Variants in SPOPL observed in about 807,000 individuals in gnomAD.
SPOPL encodes the protein speckle type BTB/POZ protein like, also known as speckle-type POZ protein-like.
SPOPL carries 23 observed loss-of-function variants against 53.8 expected under a neutral mutation model. The observed-to-expected ratio is 0.43, with a 90% confidence interval of 0.31 to 0.61. The LOEUF is 0.61. Ranked by LOEUF, SPOPL falls within the 20% of genes least tolerant of loss-of-function variation. The pLI is 0.12. For synonymous variants in SPOPL, 164 were observed against 149.7 expected, an observed-to-expected ratio of 1.10 and a Z score of -0.70; for missense variants, 442 against 466.9, an observed-to-expected ratio of 0.95 and a Z score of 0.49.
intron 1 of SPOPL, among the ~76,000 whole-genome samples, chr2:138,532,593 A>ATTTTTTTTTTTTTT (rs71301784): frequency 7.4e-4 from 83 of 111,830 alleles, no homozygotes; most frequent in African/African-American, 8.9e-4. Context: ...CGCCCGGCTA[A>ATTTTTTTTTTTTTT]TTTTTTTTTT....
At chr2:138,530,922 A>AGTGTGTGTGTGTGTGTGTGT (rs10673306) in intron 1 of SPOPL, among the ~76,000 whole-genome samples, 2 of 147,958 alleles carry the variant, frequency 1.4e-5, no homozygotes, top group African/African-American at 5.0e-5. Context: ...CTGTAGAGTG[A>AGTGTGTGTGTGTGTGTGTGT]GTGTGTGTGT....
chr2:138,539,322 C>G (rs1415096499), intron 1 of SPOPL, among the ~76,000 whole-genome samples: 1 of 152,178 alleles, frequency 6.6e-6, no homozygotes, highest in Non-Finnish European at 1.5e-5. Flanking sequence ...AAGGAATCGC[C>G]ACACTGACTT....
In SPOPL at chr2:138,550,262, G is replaced by A. The variant is rs1685285120; in HGVS notation, c.46G>A (p.Gly16Ser). Residue 16 changes from glycine to serine, a missense_variant, in exon 2 of 11, where the codon GGT becomes AGT. Coordinates refer to ENST00000280098, the MANE Select transcript of SPOPL (RefSeq NM_001001664.3). Reference sequence around the variant, plus strand: ...ACCTCTACCTGGAGATATGTCTACTGGTCCCATAGCAGAAAGCTGGTGTTA... The same window carrying A: ...ACCTCTACCTGGAGATATGTCTACTAGTCCCATAGCAGAAAGCTGGTGTTA... ...TPPLPGDMST[G>S]PIAESWCYTQ... 1 of 1,613,448 alleles carries A rather than the reference G, an allele frequency of 6.2e-7. No individual in the cohort carries two copies. The highest frequency in any genetic ancestry group is 1.7e-5 in the Admixed American group (1 of 59,918).
At chr2:138,556,196 G>A (rs540897286) in intron 5 of SPOPL, among the ~76,000 whole-genome samples, 5 of 152,232 alleles carry the variant, frequency 3.3e-5, no homozygotes, top group Admixed American at 1.3e-4. Context: ...ATAATACTGT[G>A]TAGATAGGTA....
At chr2:138,561,039 G>C in intron 8 of SPOPL, 112 bp downstream of exon 8, 1 of 1,321,656 alleles carries the variant, frequency 7.6e-7, no homozygotes, top group Non-Finnish European at 1.0e-6. Flanking sequence ...TGGCTCTTGA[G>C]AGCTTTATGA....
chr2:138,532,167 G>T (rs1684823293), intron 1 of SPOPL, among the ~76,000 whole-genome samples: 1 of 152,138 alleles, frequency 6.6e-6, no homozygotes, highest in South Asian at 2.1e-4. Flanking sequence ...GCTTCCTGCT[G>T]CATGCAAAGT....
At position 138,571,326 on chromosome 2, in the gene SPOPL, A is replaced by G. The variant is rs1475336152; in HGVS notation, c.*2246A>G. On this transcript the variant is annotated 3_prime_UTR_variant, in exon 11 of 11. Coordinates refer to ENST00000280098, the MANE Select transcript of SPOPL (RefSeq NM_001001664.3). ...GTGACTTCAGTAAAAATACCGTATA[A>G]TGAACATTTCAGCTTCTTCTTACTT... 1.3e-5 allele frequency: 2 copies of G among 152,486 alleles called. No homozygotes were observed. Among genetic ancestry groups the G allele is most frequent in the African/African-American group, 4.8e-5 (2 of 41,430 alleles). 9.4% of individuals were successfully genotyped at this position (152,486 alleles called of 1,614,324 possible).
At chr2:138,516,506 G>A (rs936828755) in intron 1 of SPOPL, among the ~76,000 whole-genome samples, 1 of 152,178 alleles carries the variant, frequency 6.6e-6, no homozygotes, top group Admixed American at 6.5e-5. Flanking sequence ...TGTTATGTGG[G>A]TGAGATCATT....
chr2:138,547,260 C>G (rs1263027539), intron 1 of SPOPL, among the ~76,000 whole-genome samples: 1 of 152,164 alleles, frequency 6.6e-6, no homozygotes, highest in Non-Finnish European at 1.5e-5. Flanking sequence ...GCCACCGTGC[C>G]TGACTGTAGT....
At chr2:138,559,430 C>A in intron 7 of SPOPL, 93 bp downstream of exon 7, 2 of 1,307,710 alleles carry the variant, frequency 1.5e-6, no homozygotes, top group Non-Finnish European at 2.1e-6. Context: ...TTCTCATTGT[C>A]ATACTGTGAT....
In SPOPL at chr2:138,571,870, T is replaced by C. The variant is rs1685789832; in HGVS notation, c.*2790T>C. The C allele has an allele frequency of 6.6e-6, 1 of 152,656 alleles. No individual in the cohort carries two copies. The highest frequency in any genetic ancestry group is 6.5e-5 in the Admixed American group (1 of 15,272). The allele number at this position is 152,656 out of a possible 1,614,324, so 9.5% of individuals were successfully genotyped here. ...TGTGCCTTTTCATTTTTAATTTTAA[T>C]GTGTGTTGATATTTGGAGCACAAAT... On this transcript the variant is annotated 3_prime_UTR_variant, in exon 11 of 11. Transcript: ENST00000280098.
chr2:138,525,663 A>AAAAAAAAAAAAAAAAAAAC (rs1558865850), intron 1 of SPOPL, among the ~76,000 whole-genome samples: 23 of 130,454 alleles, frequency 1.8e-4, no homozygotes, highest in East Asian at 3.2e-4. Flanking sequence ...GTAGAAAAAA[A>AAAAAAAAAAAAAAAAAAAC]AAAAAAAAAA....
intron 5 of SPOPL, among the ~76,000 whole-genome samples, chr2:138,558,720 T>C (rs1393167854): frequency 6.6e-6 from 1 of 152,146 alleles, no homozygotes; most frequent in Non-Finnish European, 1.5e-5. Flanking sequence ...TGAGTTTATA[T>C]CATATTGTGG....
chr2:138,522,137 C>G (rs1243892006), intron 1 of SPOPL, among the ~76,000 whole-genome samples: 1 of 152,168 alleles, frequency 6.6e-6, no homozygotes, highest in Non-Finnish European at 1.5e-5. Context: ...GGTAATTCTA[C>G]TGCACACTTA....
At chr2:138,522,889 C>A (rs1041764025) in intron 1 of SPOPL, among the ~76,000 whole-genome samples, 3 of 152,108 alleles carry the variant, frequency 2.0e-5, no homozygotes, top group African/African-American at 7.3e-5. Flanking sequence ...TCCATTAATT[C>A]TCTCAAAACA....
At chr2:138,558,902 G>A (rs925885472) in intron 5 of SPOPL, 120 bp from the exon 6 acceptor site, 6 of 672,076 alleles carry the variant, frequency 8.9e-6, no homozygotes, top group African/African-American at 1.9e-5. Flanking sequence ...TAGAAATTTT[G>A]ATTAGGAGTA....
intron 1 of SPOPL, among the ~76,000 whole-genome samples, chr2:138,545,457 A>G (rs1685172679): frequency 6.6e-6 from 1 of 151,216 alleles, no homozygotes; most frequent in Admixed American, 6.6e-5. Context: ...TTTTTGAGAC[A>G]GAGTCTTGCT....
intron 1 of SPOPL, among the ~76,000 whole-genome samples, chr2:138,506,702 T>TA (rs1684222113): frequency 6.6e-6 from 1 of 152,140 alleles, no homozygotes; most frequent in Non-Finnish European, 1.5e-5. Context: ...ATTGGAGACT[T>TA]ACTAAACTTG....
intron 1 of SPOPL, among the ~76,000 whole-genome samples, chr2:138,538,962 T>C (rs1366590640): frequency 6.6e-6 from 1 of 152,164 alleles, no homozygotes; most frequent in African/African-American, 2.4e-5. Context: ...TGTGTTCTCA[T>C]TGTTCAATTT....
Sources: gnomAD v4.1 joint callset for allele counts (sites outside exome capture counted in the v4.1 genomes callset) on GRCh38, gnomAD v4.1.1 for gene constraint, MANE v1.5 for transcripts, NCBI Gene and HGNC (gene_info 2026-07-23, HGNC 2026-07-21) for gene names.